QSOX1: variants seen among roughly 807,000 people sequenced by gnomAD.
The protein encoded by QSOX1 is sulfhydryl oxidase 1.
A neutral mutation model predicts 76.1 loss-of-function variants in QSOX1; 40 were observed. The observed-to-expected ratio is 0.53, with a 90% CI of 0.41 to 0.68. The LOEUF (loss-of-function observed/expected upper bound fraction) is 0.68, where lower values mean the gene tolerates loss of function less well. Ranked by LOEUF, QSOX1 falls within the 30% of genes least tolerant of loss-of-function variation. The pLI is 0.00. For synonymous variants in QSOX1, 392 were observed against 413.1 expected, an observed-to-expected ratio of 0.95 and a Z score of 0.62; for missense variants, 931 against 974.3, an observed-to-expected ratio of 0.96 and a Z score of 0.59.
intron 4 of QSOX1, among the ~76,000 whole-genome samples, chr1:180,176,879 T>G (rs1314017399): frequency 6.6e-6 from 1 of 152,182 alleles, no homozygotes; most frequent in Non-Finnish European, 1.5e-5. Context: ...CTCTTAAAAG[T>G]TTGTGTGCAG....
At chr1:180,155,781 C>T (rs3820311) in intron 1 of QSOX1, among the ~76,000 whole-genome samples, 78,629 of 152,078 alleles carry the variant, frequency 0.52, 23,233 homozygotes, top group East Asian at 0.66. Context: ...CTCTCCTGAC[C>T]TGCCGCCTCC....
At position 180,190,197 on chromosome 1, in the gene QSOX1, C is replaced by G. The variant is rs140038909; in HGVS notation, c.1141-236C>G. ...TCGAAGGGACCTCAGAGATAACCCC[C>G]TTGTGTTACAGCTGGGGAAGTTGAG... On this transcript the variant is annotated intron_variant, in intron 9 of 11. Transcript: ENST00000367602. Among the ~76,000 whole-genome samples the G allele has an allele frequency of 1.5e-3, 223 of 152,314 alleles. 1 individual carries two copies. Among genetic ancestry groups the G allele is most frequent in the Middle Eastern group, 3.4e-3 (1 of 294 alleles).
intron 11 of QSOX1, among the ~76,000 whole-genome samples, chr1:180,194,880 G>T (rs918257425): frequency 6.6e-6 from 1 of 152,030 alleles, no homozygotes; most frequent in Non-Finnish European, 1.5e-5. Context: ...GAGTCTGATG[G>T]CTCTAACAGG....
chr1:180,169,410 A>G (rs1415018481), intron 2 of QSOX1, among the ~76,000 whole-genome samples: 1 of 152,104 alleles, frequency 6.6e-6, no homozygotes, highest in African/African-American at 2.4e-5. Context: ...CTCTGAGGAG[A>G]TCAGTGATGT....
In QSOX1 at chr1:180,197,238, C is replaced by T. The variant is rs2149244391; in HGVS notation, c.*201C>T. ...TTGACACAAAAGACAGGAGCAGGGT[C>T]CAGGTTCCCCTGCTGTGCAGGGAGG... On this transcript the variant is annotated 3_prime_UTR_variant, in exon 12 of 12. Coordinates refer to ENST00000367602, the MANE Select transcript of QSOX1 (RefSeq NM_002826.5). 6.3e-7 allele frequency: 1 copy of T among 1,598,244 alleles called. No homozygotes were observed.
rs1049687246 is a variant in QSOX1, at chr1:180,198,095, A to G, written c.*1058A>G. ...CTAGTGTCCAGTCTGGACAGAATGC[A>G]CAGAGACCAGCCTCACCTGGAATGC... is the stretch of plus-strand genomic sequence containing the variant. On this transcript the variant is annotated 3_prime_UTR_variant, in exon 12 of 12. Transcript: ENST00000367602. The G allele has an allele frequency of 4.3e-5, 19 of 444,640 alleles. No individual in the cohort carries two copies. Among genetic ancestry groups the G allele is most frequent in the Middle Eastern group, 3.3e-4 (1 of 3,048 alleles). The allele number at this position is 444,640 out of a possible 1,614,324, so 27.5% of individuals were successfully genotyped here. A position where few individuals can be genotyped will look rare whatever the true frequency, so the allele number is the denominator to read the frequency against.
intron 4 of QSOX1, 51 bp from the exon 5 acceptor site, chr1:180,178,743 G>T (rs745551167): frequency 6.4e-7 from 1 of 1,553,542 alleles, no homozygotes; most frequent in Non-Finnish European, 8.9e-7. Context: ...CAGCGGTTTT[G>T]TCTTATTTCT....
At chr1:180,182,116 C>A in intron 5 of QSOX1, 58 bp from the exon 6 acceptor site, 1 of 1,596,806 alleles carries the variant, frequency 6.3e-7, no homozygotes, top group Admixed American at 1.7e-5. Flanking sequence ...AGCTGGGACC[C>A]AGCCCTGGCT....
intron 1 of QSOX1, among the ~76,000 whole-genome samples, chr1:180,165,774 G>A (rs1404508875): frequency 6.6e-6 from 1 of 152,240 alleles, no homozygotes; most frequent in Non-Finnish European, 1.5e-5. Context: ...GAGCTGCCTG[G>A]TATATGAGCT....
intron 1 of QSOX1, among the ~76,000 whole-genome samples, chr1:180,160,975 A>G (rs1662481597): frequency 2.0e-5 from 3 of 152,202 alleles, no homozygotes; most frequent in African/African-American, 4.8e-5. Flanking sequence ...AAACTTGAAA[A>G]TGATCAACAA....
rs1299802663 is a variant in QSOX1, at chr1:180,203,096, AAAAT to A, written c.*6063_*6066del. The stretch of plus-strand genomic sequence containing the variant: ...AAAAAAATAAAAAAATAAAAATAAA[AAAAT>A]AAAGTAAAGCTACATATTTAAAAGC... On this transcript the variant is annotated 3_prime_UTR_variant, in exon 12 of 12. Coordinates refer to ENST00000367602, the MANE Select transcript of QSOX1 (RefSeq NM_002826.5). 6 of 152,146 alleles carry A rather than the reference AAAAT, an allele frequency of 3.9e-5. No homozygotes were observed. Among genetic ancestry groups the A allele is most frequent in the Admixed American group, 1.3e-4 (2 of 15,266 alleles). The allele number at this position is 152,146 out of a possible 1,614,324, so 9.4% of individuals were successfully genotyped here.
At chr1:180,155,522 C>G (rs1662357778) in intron 1 of QSOX1, among the ~76,000 whole-genome samples, 1 of 152,182 alleles carries the variant, frequency 6.6e-6, no homozygotes, top group Admixed American at 6.5e-5. Context: ...GACACCTTAC[C>G]GTTTCCTGGG....
At position 180,200,415 on chromosome 1, in the gene QSOX1, G is replaced by A. The variant is rs1311291699; in HGVS notation, c.*3378G>A. 1 of 152,098 alleles carries A rather than the reference G, an allele frequency of 6.6e-6. No homozygotes were observed. Among genetic ancestry groups the A allele is most frequent in the African/African-American group, 2.4e-5 (1 of 41,412 alleles). 9.4% of individuals were successfully genotyped at this position (152,098 alleles called of 1,614,324 possible). On this transcript the variant is annotated 3_prime_UTR_variant, in exon 12 of 12. Transcript: ENST00000367602. ...TGTCCCTGGAGCTGGGCCTCCAGGT[G>A]GCAAGCCCCAAGCCACCCCGGCAGG...
chr1:180,188,589 G>A (rs1663231150), intron 8 of QSOX1, among the ~76,000 whole-genome samples: 3 of 152,198 alleles, frequency 2.0e-5, no homozygotes, highest in Admixed American at 6.5e-5. Flanking sequence ...GGTCTTTTCC[G>A]GCCATTTCTC....
intron 1 of QSOX1, among the ~76,000 whole-genome samples, chr1:180,164,358 T>A (rs1662562277): frequency 6.6e-6 from 1 of 152,236 alleles, no homozygotes; most frequent in African/African-American, 2.4e-5. Context: ...CACCTCACTC[T>A]GCTAAATACT....
At chr1:180,182,135 C>T (rs948604161) in intron 5 of QSOX1, 39 bp from the exon 6 acceptor site, 16 of 1,609,618 alleles carry the variant, frequency 9.9e-6, no homozygotes, top group African/African-American at 2.7e-5. Flanking sequence ...CTCCCTCCAC[C>T]CGGTGGCCTG....
chr1:180,174,260 C>T (rs1329540717), intron 2 of QSOX1, among the ~76,000 whole-genome samples: 5 of 151,866 alleles, frequency 3.3e-5, no homozygotes, highest in African/African-American at 7.3e-5. Flanking sequence ...GCTGTCTTGC[C>T]GCCTGGGCAG....
At chr1:180,187,359 A>G (rs781357159) in intron 8 of QSOX1, among the ~76,000 whole-genome samples, 36 of 152,214 alleles carry the variant, frequency 2.4e-4, no homozygotes, top group Admixed American at 2.2e-3. Flanking sequence ...CTCACAGTGC[A>G]GAGGCCTGGG....
intron 11 of QSOX1, among the ~76,000 whole-genome samples, chr1:180,194,997 G>GGGT (rs112740591): frequency 0.016 from 2,241 of 137,804 alleles, 56 homozygotes; most frequent in Non-Finnish European, 0.025. Flanking sequence ...ACAGCCTCCC[G>GGGT]GGGGGGGGAG....
Sources: gnomAD v4.1 joint callset for allele counts (sites outside exome capture counted in the v4.1 genomes callset) on GRCh38, gnomAD v4.1.1 for gene constraint, MANE v1.5 for transcripts, NCBI Gene and HGNC (gene_info 2026-07-23, HGNC 2026-07-21) for gene names.